The following MINDY2 variants were observed in gnomAD, a reference collection of about 807,000 sequenced individuals.
MINDY2 encodes ubiquitin carboxyl-terminal hydrolase MINDY-2.
Under a neutral mutation model 68.2 loss-of-function variants are expected in MINDY2, and 52 were observed. The ratio of observed to expected loss-of-function variants is 0.76; its 90% confidence interval spans 0.61 to 0.96. The LOEUF (loss-of-function observed/expected upper bound fraction) is 0.96. Among genes scored for constraint, MINDY2 ranks in the 40% least tolerant of loss-of-function variants. The probability of loss-of-function intolerance (pLI) is 0.00; values close to 1 mark genes in which losing one functional copy is unlikely to be tolerated. For synonymous variants in MINDY2, 372 were observed against 303.0 expected, an observed-to-expected ratio of 1.23 and a Z score of -2.36; for missense variants, 881 against 773.4, an observed-to-expected ratio of 1.14 and a Z score of -1.65.
chr15:58,774,477 C>T (rs8025383), intron 1 of MINDY2, among the ~76,000 whole-genome samples: 21,027 of 145,506 alleles, frequency 0.14, 1,720 homozygotes, highest in South Asian at 0.32. Context: ...AGAGTGAAAC[C>T]CCGTCCCAAA....
chr15:58,831,262 T>A (rs891645752), intron 5 of MINDY2, among the ~76,000 whole-genome samples: 5 of 152,082 alleles, frequency 3.3e-5, no homozygotes, highest in Non-Finnish European at 5.9e-5. Context: ...TACTTTTAGT[T>A]TTAAAGCAAG....
chr15:58,815,720 T>C (rs1343440915), intron 4 of MINDY2: 1 of 152,044 alleles, frequency 6.6e-6, no homozygotes, highest in Non-Finnish European at 1.5e-5. Context: ...TCTCACTCTG[T>C]CGCCAGGCTA....
At position 58,854,707 on chromosome 15, in the gene MINDY2, T is replaced by G; in HGVS notation, c.*97T>G. 1 of 1,395,348 alleles carries G rather than the reference T, an allele frequency of 7.2e-7. No individual in the cohort carries two copies. The highest frequency in any genetic ancestry group is 9.5e-7 in the Non-Finnish European group (1 of 1,050,474). The allele number at this position is 1,395,348 out of a possible 1,614,324, so 86.4% of individuals were successfully genotyped here. ...CCGATCAATACCGTCTGTGCCTGAT[T>G]TCCTAATGGATTTTGTTCGTTTTTT... On this transcript the variant is annotated 3_prime_UTR_variant, in exon 9 of 9. Transcript: ENST00000559228.
At chr15:58,821,998 C>T (rs2031091142) in intron 5 of MINDY2, among the ~76,000 whole-genome samples, 179 bp downstream of exon 5, 1 of 152,072 alleles carries the variant, frequency 6.6e-6, no homozygotes, top group African/African-American at 2.4e-5. Flanking sequence ...GCCTGTAATC[C>T]CAGCATTTTG....
chr15:58,776,069 T>C (rs774028909), intron 1 of MINDY2, among the ~76,000 whole-genome samples: 2 of 152,036 alleles, frequency 1.3e-5, no homozygotes, highest in Non-Finnish European at 2.9e-5. Context: ...CATGTTAGCC[T>C]GGCTGGTCTC....
intron 4 of MINDY2, among the ~76,000 whole-genome samples, chr15:58,813,479 G>A (rs757197606): frequency 6.6e-6 from 1 of 152,230 alleles, no homozygotes; most frequent in Non-Finnish European, 1.5e-5. Flanking sequence ...CTGGGTGATG[G>A]AGCAAGACTC....
At position 58,809,176 on chromosome 15, in the gene MINDY2, C is replaced by T. The variant is rs376719312; in HGVS notation, c.964-1054C>T. Among the ~76,000 whole-genome samples the T allele has an allele frequency of 7.9e-5, 12 of 152,312 alleles. No homozygotes were observed. In the East Asian group the frequency reaches 1.2e-3, roughly 15 times the overall value. ...GTGGTGAGCCATGATCATACCACTG[C>T]ACTCTAGCCTGGGCAACAGAGTGAG... On this transcript the variant is annotated intron_variant, in intron 3 of 8. Transcript: ENST00000559228.
At chr15:58,821,995 A>G (rs1279332234) in intron 5 of MINDY2, among the ~76,000 whole-genome samples, 176 bp downstream of exon 5, 1 of 152,196 alleles carries the variant, frequency 6.6e-6, no homozygotes, top group East Asian at 1.9e-4. Context: ...CCCGCCTGTA[A>G]TCCCAGCATT....
chr15:58,832,772 C>T (rs1040359910), intron 6 of MINDY2, among the ~76,000 whole-genome samples: 1 of 152,060 alleles, frequency 6.6e-6, no homozygotes, highest in Non-Finnish European at 1.5e-5. Context: ...GATGATAGCC[C>T]GCCTCAGCCT....
chr15:58,771,447 G>A lies in MINDY2; in HGVS notation c.52G>A (p.Gly18Arg), dbSNP rs770418677. Residue 18 changes from glycine to arginine, a missense_variant, in exon 1 of 9, where the codon GGG becomes AGG. Transcript: ENST00000559228. Reference protein sequence around the residue: ...LQPLEHGVAAGPASGTGSSQE... With the variant: ...LQPLEHGVAARPASGTGSSQE... ...GCCGCTAGAACACGGGGTGGCGGCC[G>A]GGCCAGCGTCAGGGACAGGTTCTTC... The A allele has an allele frequency of 3.7e-6, 6 of 1,612,226 alleles. No homozygotes were observed. The African/African-American group carries it at 4.0e-5, about 11-fold the overall frequency.
intron 2 of MINDY2, among the ~76,000 whole-genome samples, chr15:58,795,170 G>A (rs1391919190): frequency 2.7e-5 from 4 of 146,332 alleles, no homozygotes; most frequent in African/African-American, 1.0e-4. Context: ...AGCGAGACTC[G>A]TCTCCAAAAA....
chr15:58,852,634 C>A (rs746428455), intron 8 of MINDY2, among the ~76,000 whole-genome samples: 31 of 152,136 alleles, frequency 2.0e-4, no homozygotes, highest in Non-Finnish European at 4.0e-4. Context: ...CTAGTTGCAA[C>A]CTCTTGGATG....
At chr15:58,795,701 G>C (rs1323375452) in intron 2 of MINDY2, among the ~76,000 whole-genome samples, 1 of 152,128 alleles carries the variant, frequency 6.6e-6, no homozygotes, top group Non-Finnish European at 1.5e-5. Flanking sequence ...ACTGCGCCCA[G>C]CCTATCGTAT....
At chr15:58,849,832 C>T (rs1183386416) in intron 7 of MINDY2, among the ~76,000 whole-genome samples, 1 of 152,052 alleles carries the variant, frequency 6.6e-6, no homozygotes, top group African/African-American at 2.4e-5. Context: ...ACCTCCACCT[C>T]CCAGGCTCAA....
chr15:58,783,382 G>T (rs1901284031), intron 1 of MINDY2, among the ~76,000 whole-genome samples: 1 of 151,996 alleles, frequency 6.6e-6, no homozygotes, highest in Non-Finnish European at 1.5e-5. Flanking sequence ...ACATTATTTG[G>T]CTAGTAGTAA....
chr15:58,796,578 G>A (rs1345952818), intron 2 of MINDY2, among the ~76,000 whole-genome samples: 1 of 152,206 alleles, frequency 6.6e-6, no homozygotes, highest in Non-Finnish European at 1.5e-5. Flanking sequence ...AAGCTGGAGT[G>A]CAGTGGCACG....
rs1316909655 is a variant in MINDY2 at position 58,861,544 on chromosome 15, C to T, written c.*6934C>T. On this transcript the variant is annotated 3_prime_UTR_variant, in exon 9 of 9. Transcript: ENST00000559228. ...ATAAAGATACCTAAAACCATCTACC[C>T]AGCTTAGGGTTGAACTGAATTTCTG... 6.6e-6 allele frequency: 1 copy of T among 152,110 alleles called. No homozygotes were observed. Among genetic ancestry groups the T allele is most frequent in the African/African-American group, 2.4e-5 (1 of 41,406 alleles). The allele number at this position is 152,110 out of a possible 1,614,324, so 9.4% of individuals were successfully genotyped here.
At position 58,802,427 on chromosome 15, in the gene MINDY2, A is replaced by T. The variant is rs781496908; in HGVS notation, c.963+50A>T. ...ATATAATTTTAAAGTTTAAATATATACATTGGTTTCTATTAGTAGCTGGCA... is the reference window on the plus strand; with the variant it reads ...ATATAATTTTAAAGTTTAAATATATTCATTGGTTTCTATTAGTAGCTGGCA... On this transcript the variant is annotated intron_variant, in intron 3 of 8. Transcript: ENST00000559228. 8.1e-6 allele frequency: 10 copies of T among 1,235,350 alleles called. No individual in the cohort carries two copies. In the South Asian group the frequency reaches 1.3e-4, roughly 16 times the overall value. The allele number at this position is 1,235,350 out of a possible 1,614,324, so 76.5% of individuals were successfully genotyped here.
At chr15:58,806,068 C>T (rs973054278) in intron 3 of MINDY2, among the ~76,000 whole-genome samples, 6 of 152,132 alleles carry the variant, frequency 3.9e-5, no homozygotes, top group African/African-American at 9.7e-5. Context: ...AGCGAGACTC[C>T]GTCTCAAAAA....
Sources: allele counts gnomAD v4.1 joint callset (sites outside exome capture counted in the v4.1 genomes callset), GRCh38; gene constraint gnomAD v4.1.1; transcripts MANE v1.5; gene names NCBI Gene and HGNC (gene_info 2026-07-23, HGNC 2026-07-21).